The following TCF20 variants were observed in gnomAD, a reference collection of about 807,000 sequenced individuals.
TCF20 encodes the protein SPRE-binding protein.
A neutral mutation model predicts 148.6 loss-of-function variants in TCF20; 3 were observed. The ratio of observed to expected loss-of-function variants is 0.02; its 90% confidence interval spans 0.01 to 0.05. TCF20 has a LOEUF of 0.05. TCF20 is among the 10% of genes least tolerant of loss of function. The probability of loss-of-function intolerance (pLI) is 1.00; values close to 1 mark genes in which losing one functional copy is unlikely to be tolerated. For missense variants in TCF20, 2,350 were observed against 2,429.3 expected (o/e 0.97, Z 0.69); for synonymous variants, 1,049 against 909.5 (o/e 1.15, Z -2.76).
chr22:42,322,170 A>T (rs1462264210), intron 1 of TCF20, among the ~76,000 whole-genome samples: 2 of 151,864 alleles, frequency 1.3e-5, no homozygotes, highest in Non-Finnish European at 2.9e-5. Context: ...GAAACACAAA[A>T]CAGGCAGTGG....
chr22:42,249,196 C>T (rs5758682), intron 1 of TCF20, among the ~76,000 whole-genome samples: 27,006 of 152,134 alleles, frequency 0.18, 2,648 homozygotes, highest in East Asian at 0.34. Flanking sequence ...GACCTTGGAC[C>T]GAGAGATAAC....
At chr22:42,242,184 C>A (rs1212361394) in intron 1 of TCF20, among the ~76,000 whole-genome samples, 1 of 96,164 alleles carries the variant, frequency 1.0e-5, no homozygotes, top group East Asian at 2.6e-4. Context: ...GCCTGGGCGA[C>A]AGAGCGAGAC....
chr22:42,209,194 A>G (rs1205059367), intron 2 of TCF20, among the ~76,000 whole-genome samples: 5 of 152,138 alleles, frequency 3.3e-5, no homozygotes, highest in Non-Finnish European at 5.9e-5. Flanking sequence ...ACTCCCACAC[A>G]CCCTTTCTCA....
chr22:42,257,114 T>C (rs1053481301), intron 1 of TCF20, among the ~76,000 whole-genome samples: 4 of 152,186 alleles, frequency 2.6e-5, no homozygotes, highest in Non-Finnish European at 4.4e-5. Flanking sequence ...GCGCCATGAC[T>C]GTATCACCAC....
chr22:42,298,882 C>T (rs1462377741), intron 1 of TCF20, among the ~76,000 whole-genome samples: 4 of 152,186 alleles, frequency 2.6e-5, no homozygotes, highest in Non-Finnish European at 5.9e-5. Flanking sequence ...GTGCCCAATG[C>T]CCCGGCCTCC....
At chr22:42,235,416 ATC>A (rs1490246858) in intron 1 of TCF20, among the ~76,000 whole-genome samples, 1 of 152,306 alleles carries the variant, frequency 6.6e-6, no homozygotes, top group African/African-American at 2.4e-5. Context: ...GGTGCACACC[ATC>A]TCTCTCCTGA....
At chr22:42,217,773 G>A (rs1476665442) in intron 1 of TCF20, among the ~76,000 whole-genome samples, 1 of 152,212 alleles carries the variant, frequency 6.6e-6, no homozygotes, top group Non-Finnish European at 1.5e-5. Context: ...CTAAGGGAAA[G>A]ACCCAGCTTG....
intron 1 of TCF20, among the ~76,000 whole-genome samples, chr22:42,215,919 G>A (rs1921726365): frequency 6.6e-6 from 1 of 151,940 alleles, no homozygotes. Flanking sequence ...AAACATGTAT[G>A]TCTCATATAT....
intron 1 of TCF20, among the ~76,000 whole-genome samples, chr22:42,258,842 C>G (rs1381813523): frequency 6.6e-6 from 1 of 152,030 alleles, no homozygotes; most frequent in Non-Finnish European, 1.5e-5. Flanking sequence ...GGATGTAACT[C>G]CATAAGAAGT....
At chr22:42,300,097 C>T (rs1040011952) in intron 1 of TCF20, among the ~76,000 whole-genome samples, 2 of 152,154 alleles carry the variant, frequency 1.3e-5, no homozygotes, top group African/African-American at 4.8e-5. Context: ...GGGCCTGGGG[C>T]TGCTGAAGGA....
chr22:42,319,901 GGA>G (rs1194427994), intron 1 of TCF20, among the ~76,000 whole-genome samples: 2 of 152,058 alleles, frequency 1.3e-5, no homozygotes, highest in Non-Finnish European at 2.9e-5. Context: ...GTGTTTCCCA[GGA>G]AGTCTCCTTC....
At chr22:42,260,561 T>C (rs939212622) in intron 1 of TCF20, among the ~76,000 whole-genome samples, 2 of 152,192 alleles carry the variant, frequency 1.3e-5, no homozygotes, top group Non-Finnish European at 2.9e-5. Context: ...ATGGTTTTTG[T>C]GAGGCACAAT....
At chr22:42,260,808 C>T (rs1037047443) in intron 1 of TCF20, among the ~76,000 whole-genome samples, 6 of 152,130 alleles carry the variant, frequency 3.9e-5, no homozygotes, top group East Asian at 3.9e-4. Context: ...GAATATAACG[C>T]GAACAGAACC....
chr22:42,211,628 A>G lies in TCF20; in HGVS notation c.3678T>C (p.Ala1226=). The G allele has an allele frequency of 6.2e-7, 1 of 1,614,234 alleles. No individual in the cohort carries two copies. ...CACTACCAGGTTTGGATGACTGTGT[A>G]GCCTCAGCTAGTCCATGTCCATCAG... ...HETDGHGLAE[A]TQSSKPGSVM... is the part of the protein sequence containing the mutation. The change falls in exon 2 of 6, where the codon GCT becomes GCC. Residue 1226 remains alanine (A), a synonymous_variant. Transcript: ENST00000677622.
At chr22:42,206,104 G>C (rs1283649711) in intron 2 of TCF20, among the ~76,000 whole-genome samples, 1 of 152,148 alleles carries the variant, frequency 6.6e-6, no homozygotes, top group Non-Finnish European at 1.5e-5. Context: ...AGGATCTAGA[G>C]ATTTGCTGGG....
chr22:42,184,059 G>A (rs745565874), intron 2 of TCF20, among the ~76,000 whole-genome samples: 6 of 152,074 alleles, frequency 3.9e-5, no homozygotes, highest in Non-Finnish European at 7.4e-5. Context: ...ATCAGCCACC[G>A]CACCTGGCCT....
At chr22:42,169,561 C>T (rs532898682) in intron 4 of TCF20, among the ~76,000 whole-genome samples, 40 of 152,334 alleles carry the variant, frequency 2.6e-4, no homozygotes, top group African/African-American at 9.1e-4. Context: ...GTGGCTTGAT[C>T]GAGTTAGATA....
intron 1 of TCF20, among the ~76,000 whole-genome samples, chr22:42,269,533 TGA>T (rs922583893): frequency 6.6e-6 from 1 of 152,112 alleles, no homozygotes; most frequent in African/African-American, 2.4e-5. Flanking sequence ...CGCCGTAGCC[TGA>T]GAGGGATCGG....
intron 1 of TCF20, among the ~76,000 whole-genome samples, chr22:42,311,027 T>A (rs1367957733): frequency 6.6e-6 from 1 of 152,150 alleles, no homozygotes; most frequent in African/African-American, 2.4e-5. Context: ...TTAGGAACCG[T>A]ATGGCTGGCC....
Sources: gnomAD v4.1 joint callset for allele counts (sites outside exome capture counted in the v4.1 genomes callset) on GRCh38, gnomAD v4.1.1 for gene constraint, MANE v1.5 for transcripts, NCBI Gene and HGNC (gene_info 2026-07-23, HGNC 2026-07-21) for gene names.